The following FCRL6 variants were observed in gnomAD, a reference collection of about 807,000 sequenced individuals.
FCRL6 encodes the protein Fc receptor-like protein 6.
A neutral mutation model predicts 49.1 loss-of-function variants in FCRL6; 50 were observed. The ratio of observed to expected loss-of-function variants is 1.02; its 90% CI spans 0.81 to 1.29. The LOEUF is 1.29. Ranked by LOEUF, FCRL6 falls within the 50% of genes most tolerant of loss-of-function variation. The pLI is 0.00. For missense variants in FCRL6, 571 were observed against 518.5 expected, an observed-to-expected ratio of 1.10 and a Z score of -0.98; for synonymous variants, 213 against 199.6, an observed-to-expected ratio of 1.07 and a Z score of -0.57.
intron 1 of FCRL6, among the ~76,000 whole-genome samples, chr1:159,802,967 A>G (rs1041007351): frequency 6.6e-6 from 1 of 152,188 alleles, no homozygotes; most frequent in Non-Finnish European, 1.5e-5. Flanking sequence ...CCAGGTAACA[A>G]TGGCCAGACC....
At chr1:159,813,597 A>G (rs1351470525) in intron 7 of FCRL6, 43 bp downstream of exon 7, 6 of 1,560,266 alleles carry the variant, frequency 3.8e-6, no homozygotes, top group Non-Finnish European at 5.3e-6. Context: ...ATGTGGGCCA[A>G]AAAGAGCTTC....
intron 4 of FCRL6, 57 bp from the exon 5 acceptor site, chr1:159,809,345 G>A (rs910983759): frequency 2.6e-6 from 4 of 1,535,022 alleles, no homozygotes; most frequent in African/African-American, 2.8e-5. Context: ...CCCAGGAGAG[G>A]AGGGAGCCAG....
At chr1:159,811,901 A>G (rs1038883600) in intron 6 of FCRL6, among the ~76,000 whole-genome samples, 2 of 151,846 alleles carry the variant, frequency 1.3e-5, no homozygotes, top group Admixed American at 1.3e-4. Flanking sequence ...GTTTCTGTCC[A>G]CTCACCTCTG....
rs528684412 is a variant in FCRL6 at position 159,809,098 on chromosome 1, G to T, written c.457G>T (p.Gly153Cys). 6.2e-7 allele frequency: 1 copy of T among 1,613,930 alleles called. No homozygotes were observed. Among genetic ancestry groups the T allele is most frequent in the East Asian group, 2.2e-5 (1 of 44,872 alleles). Residue 153 changes from glycine to cysteine, a missense_variant, in exon 4 of 10, where the codon GGC (glycine) becomes TGC (cysteine). By Grantham distance (159) the Gly-to-Cys change is radical. Transcript: ENST00000368106. Reference sequence around the variant, plus strand: ...GCTCCTTTTCTCCTTCCACAAGGACGGCCACACCTTGCAGGACAGGGGCCC... The same window carrying T: ...GCTCCTTTTCTCCTTCCACAAGGACTGCCACACCTTGCAGGACAGGGGCCC... Reference protein sequence around the residue: ...LRLLFSFHKDGHTLQDRGPHP... With the variant: ...LRLLFSFHKDCHTLQDRGPHP...
At position 159,815,995 on chromosome 1, in the gene FCRL6, G is replaced by T. The variant is rs374187949; in HGVS notation, c.*334G>T. 1 of 268,856 alleles carries T rather than the reference G, an allele frequency of 3.7e-6. No individual in the cohort carries two copies. The highest frequency in any genetic ancestry group is 2.2e-5 in the African/African-American group (1 of 46,382). 16.7% of individuals were successfully genotyped at this position (268,856 alleles called of 1,614,324 possible). Reference sequence around the variant, plus strand: ...TATATATATGAAATAGTCATGTGCCGCATAACAACATTTCAGTCAGTGATA... The same window carrying T: ...TATATATATGAAATAGTCATGTGCCTCATAACAACATTTCAGTCAGTGATA... On this transcript the variant is annotated 3_prime_UTR_variant, in exon 10 of 10. Transcript: ENST00000368106.
In FCRL6 at chr1:159,806,606, T is replaced by G. The variant is rs1167603008; in HGVS notation, c.42T>G (p.Val14=). The G allele has an allele frequency of 1.9e-5, 31 of 1,613,840 alleles. No homozygotes were observed. Among genetic ancestry groups the G allele is most frequent in the Non-Finnish European group, 2.5e-5 (29 of 1,179,668 alleles). Residue 14 remains valine, a synonymous_variant, in exon 2 of 10, where the codon GTT becomes GTG. Coordinates refer to ENST00000368106, the MANE Select transcript of FCRL6 (RefSeq NM_001004310.3). ...TTTGTTCTCTTGCAGTTCCCTGTGT[T>G]GGGAAAACTGGTAAGTTGTGTCCAT... ...WTAVLLFVPC[V]GKTVWLYLQA... is the part of the protein sequence containing the mutation.
chr1:159,803,813 C>T (rs1242172058), intron 1 of FCRL6, among the ~76,000 whole-genome samples: 1 of 152,152 alleles, frequency 6.6e-6, no homozygotes, highest in African/African-American at 2.4e-5. Context: ...CCACTTGATG[C>T]TCAGGGACCC....
Position 159,809,436 on chromosome 1 carries a change from C to CGGGCCTGCT in FCRL6, c.641_649dup (p.Gly214_Ala216dup), listed in dbSNP as rs760483500. ...CCCGTCCTGTGCTCACTCTGCACCA[C>CGGGCCTGCT]GGGCCTGCTGACCCTGCTGTGGGGG... On this transcript the variant is annotated inframe_insertion, in exon 5 of 10. Coordinates refer to ENST00000368106, the MANE Select transcript of FCRL6 (RefSeq NM_001004310.3). 1.2e-6 allele frequency: 2 copies of CGGGCCTGCT among 1,612,692 alleles called. No individual in the cohort carries two copies. Among genetic ancestry groups the CGGGCCTGCT allele is most frequent in the Non-Finnish European group, 1.7e-6 (2 of 1,179,078 alleles).
intron 6 of FCRL6, 123 bp downstream of exon 6, chr1:159,810,339 G>A (rs1270522713): frequency 1.6e-6 from 2 of 1,215,252 alleles, no homozygotes; most frequent in African/African-American, 3.1e-5. Context: ...AGTGGCAGGG[G>A]GGACTTCTCT....
At position 159,808,421 on chromosome 1, in the gene FCRL6, A is replaced by G; in HGVS notation, c.296A>G (p.Glu99Gly). 6.2e-7 allele frequency: 1 copy of G among 1,614,208 alleles called. No individual in the cohort carries two copies. ...YIPQTFTQTS[E>G]TAMVQVQELF... is the part of the protein sequence containing the mutation. ...CCACAGACATTCACACAAACTTCAG[A>G]GACTGCCATGGTTCAAGTCCAAGGT... The change falls in exon 3 of 10, where the codon GAG (glutamate) becomes GGG (glycine). Residue 99 changes from glutamate (E) to glycine (G), a missense_variant. Transcript: ENST00000368106.
Position 159,815,600 on chromosome 1 carries a change from T to C in FCRL6, c.1244T>C (p.Val415Ala). 1 of 1,613,992 alleles carries C rather than the reference T, an allele frequency of 6.2e-7. No homozygotes were observed. The change falls in exon 10 of 10, where the codon GTG (valine) becomes GCG (alanine). Residue 415 changes from valine to alanine, a missense_variant. Physicochemically the swap from Val to Ala is moderately conservative, Grantham distance 64. Transcript: ENST00000368106. ...CCCAGTGAGGTTTCATCCACGGAGG[T>C]GAATATGAGAAGCAGGACTCTCCAA... Reference protein sequence around the residue: ...LQPSEVSSTEVNMRSRTLQEP... With the variant: ...LQPSEVSSTEANMRSRTLQEP...
chr1:159,801,967 T>A (rs1301979795), upstream of FCRL6, among the ~76,000 whole-genome samples: 1 of 151,984 alleles, frequency 6.6e-6, no homozygotes, highest in Admixed American at 6.6e-5. Context: ...CAGGAGCTCC[T>A]TGGAAGCTGG....
intron 6 of FCRL6, 105 bp downstream of exon 6, chr1:159,810,321 G>C: frequency 2.1e-6 from 3 of 1,407,578 alleles, no homozygotes; most frequent in Non-Finnish European, 2.9e-6. Context: ...CTCTTCTCCT[G>C]GGTGTGGAGT....
Position 159,808,239 on chromosome 1 carries a change from A to C in FCRL6, c.114A>C (p.Arg38=), listed in dbSNP as rs760823899. Residue 38 remains arginine (R), a synonymous_variant, in exon 3 of 10, where the codon CGA becomes CGC. Coordinates refer to ENST00000368106, the MANE Select transcript of FCRL6 (RefSeq NM_001004310.3). ...PVFEGDALTL[R]CQGWKNTPLS... is the part of the protein sequence containing the mutation. ...TTGAAGGAGATGCCCTGACTCTGCG[A>C]TGTCAGGGATGGAAGAATACACCAC... 2 of 1,613,384 alleles carry C rather than the reference A, an allele frequency of 1.2e-6. No individual in the cohort carries two copies. The highest frequency in any genetic ancestry group is 3.3e-5 in the Admixed American group (2 of 60,022).
rs377697676 is a variant in FCRL6 at position 159,809,117 on chromosome 1, G to T, written c.476G>T (p.Arg159Met). 6.2e-7 allele frequency: 1 copy of T among 1,614,128 alleles called. No homozygotes were observed. The highest frequency in any genetic ancestry group is 8.5e-7 in the Non-Finnish European group (1 of 1,179,974). Residue 159 changes from arginine to methionine, a missense_variant, in exon 4 of 10, where the codon AGG (arginine) becomes ATG (methionine). Arg to Met is a moderately conservative substitution (Grantham distance 91). Transcript: ENST00000368106. ...AAGGACGGCCACACCTTGCAGGACAGGGGCCCTCACCCAGAACTCTGCATC... is the reference window on the plus strand; with the variant it reads ...AAGGACGGCCACACCTTGCAGGACATGGGCCCTCACCCAGAACTCTGCATC... ...FHKDGHTLQD[R>M]GPHPELCIPG...
rs767721768 is a variant in FCRL6, at chr1:159,815,661, G to A, written c.1305G>A (p.Ter435=). Residue 435 remains the stop codon, a stop_retained_variant, in exon 10 of 10, where the codon TAG becomes TAA. Coordinates refer to ENST00000368106, the MANE Select transcript of FCRL6 (RefSeq NM_001004310.3). The part of the protein sequence containing the change: ...PLSDCEEVLC[*] ...GCGACTGTGAGGAGGTTCTCTGCTA[G>A]TGATGGTGTTCTCCTATCAACACAC... 1.9e-6 allele frequency: 3 copies of A among 1,614,034 alleles called. No individual in the cohort carries two copies. The highest frequency in any genetic ancestry group is 1.7e-6 in the Non-Finnish European group (2 of 1,180,012).
chr1:159,812,249 C>T (rs758099590), intron 6 of FCRL6, among the ~76,000 whole-genome samples: 18 of 152,278 alleles, frequency 1.2e-4, no homozygotes, highest in Middle Eastern at 3.4e-3. Flanking sequence ...AGGACCAATT[C>T]CTTAGCTACG....
At chr1:159,807,303 C>T (rs1662755938) in intron 2 of FCRL6, among the ~76,000 whole-genome samples, 1 of 152,174 alleles carries the variant, frequency 6.6e-6, no homozygotes. Context: ...GGCTCCCTAA[C>T]TGTTACTCCT....
chr1:159,800,633 A>C, upstream of FCRL6: 1 of 1,546,064 alleles, frequency 6.5e-7, no homozygotes, highest in East Asian at 2.4e-5. Context: ...CAAGATTTCT[A>C]CTTCCTACTT....
Sources: gnomAD v4.1 joint callset for allele counts (sites outside exome capture counted in the v4.1 genomes callset) on GRCh38, gnomAD v4.1.1 for gene constraint, MANE v1.5 for transcripts, NCBI Gene and HGNC (gene_info 2026-07-23, HGNC 2026-07-21) for gene names.